The following NDUFA7 variants were observed in gnomAD, a reference collection of about 807,000 sequenced individuals.
The protein encoded by NDUFA7 is NADH dehydrogenase [ubiquinone] 1 alpha subcomplex subunit 7.
Under a neutral mutation model 14.2 loss-of-function variants are expected in NDUFA7, and 18 were observed. The observed-to-expected ratio is 1.27, with a 90% confidence interval of 0.88 to 1.88. NDUFA7 has a LOEUF of 1.88. Among genes scored for constraint, NDUFA7 ranks in the 40% most tolerant of loss-of-function variants. The pLI is 0.00. For missense variants in NDUFA7, 172 were observed against 147.3 expected (o/e 1.17, Z -0.87); for synonymous variants, 75 against 62.1 (o/e 1.21, Z -0.98).
rs1233482425 is a variant in NDUFA7 at position 8,311,412 on chromosome 19, C to G, written c.*93G>C. 3.1e-6 allele frequency: 3 copies of G among 965,394 alleles called. No homozygotes were observed. In the East Asian group the frequency reaches 7.9e-5, roughly 25 times the overall value. The allele number at this position is 965,394 out of a possible 1,614,324, so 59.8% of individuals were successfully genotyped here. A position where few individuals can be genotyped will look rare whatever the true frequency, so the allele number is the denominator to read the frequency against. On this transcript the variant is annotated 3_prime_UTR_variant, in exon 4 of 4. Coordinates refer to ENST00000301457, the MANE Select transcript of NDUFA7 (RefSeq NM_005001.5). ...TTTAAAGTAAAACTAGAAGTGATAC[C>G]TGAGCTCTACGTATTTGTCATAAAT...
In NDUFA7 at chr19:8,316,593, T is replaced by A; in HGVS notation, c.154A>T (p.Asn52Tyr). Residue 52 changes from asparagine to tyrosine, a missense_variant, in exon 3 of 4, where the codon AAT becomes TAT. Asn to Tyr is a moderately radical substitution (Grantham distance 143). Transcript: ENST00000301457. ...CGGCCATCGCGAGTGCAATAGTAATTGTTGGAGAGCTTGTGGCTAGGACCC... is the reference window on the plus strand; with the variant it reads ...CGGCCATCGCGAGTGCAATAGTAATAGTTGGAGAGCTTGTGGCTAGGACCC... The part of the protein sequence containing the change: ...PVGPSHKLSN[N>Y]YYCTRDGRRE... 6.2e-7 allele frequency: 1 copy of A among 1,614,000 alleles called. No homozygotes were observed. Among genetic ancestry groups the A allele is most frequent in the East Asian group, 2.2e-5 (1 of 44,868 alleles).
Position 8,321,347 on chromosome 19 carries a change from G to A in NDUFA7, c.12C>T (p.Ala4=), listed in dbSNP as rs372211021. The change falls in exon 1 of 4, where the codon GCC becomes GCT. Residue 4 remains alanine, a synonymous_variant. Coordinates refer to ENST00000301457, the MANE Select transcript of NDUFA7 (RefSeq NM_005001.5). MAS[A]TRLIQRLRNW... ...TCCGCAGCCGCTGGATGAGACGGGT[G>A]GCGGACGCCATCTTCCGTCCGCGAT... 2.8e-5 allele frequency: 44 copies of A among 1,577,396 alleles called. No homozygotes were observed. The Middle Eastern group carries it at 8.1e-4, about 29-fold the overall frequency.
At chr19:8,319,218 C>T (rs1970271753) in intron 2 of NDUFA7, 1 of 151,976 alleles carries the variant, frequency 6.6e-6, no homozygotes, top group African/African-American at 2.4e-5. Context: ...TACCATGGCA[C>T]GTTTACCTTT....
At chr19:8,320,032 G>C (rs537532697) in intron 2 of NDUFA7, among the ~76,000 whole-genome samples, 1 of 152,112 alleles carries the variant, frequency 6.6e-6, no homozygotes, top group African/African-American at 2.4e-5. Flanking sequence ...TTCTAGTAGA[G>C]AGGGGGTTTT....
At position 8,316,577 on chromosome 19, in the gene NDUFA7, CGA is replaced by C; in HGVS notation, c.168_169del (p.Asp58TrpfsTer33). Reference sequence around the variant, plus strand: ...GGGCACAGATTCCCGGCGGCCATCGCGAGTGCAATAGTAATTGTTGGAGAGCT... The same window carrying C: ...GGGCACAGATTCCCGGCGGCCATCGCGTGCAATAGTAATTGTTGGAGAGCT... On this transcript the variant is annotated frameshift_variant, in exon 3 of 4. Transcript: ENST00000301457. LOFTEE classifies it high-confidence loss of function. 6.2e-7 allele frequency: 1 copy of C among 1,614,090 alleles called. No individual in the cohort carries two copies.
At chr19:8,318,714 C>T (rs184869587) in intron 2 of NDUFA7, among the ~76,000 whole-genome samples, 1 of 143,862 alleles carries the variant, frequency 7.0e-6, no homozygotes, top group Admixed American at 7.0e-5. Context: ...TGGCTCACAC[C>T]TGTAATCCCA....
At chr19:8,313,649 G>A (rs895311068) in intron 3 of NDUFA7, among the ~76,000 whole-genome samples, 2 of 152,242 alleles carry the variant, frequency 1.3e-5, no homozygotes, top group African/African-American at 4.8e-5. Flanking sequence ...CAAGAAGGCT[G>A]AGGGACTGCC....
intron 2 of NDUFA7, 170 bp from the exon 3 acceptor site, chr19:8,316,815 G>T: frequency 1.4e-6 from 1 of 723,156 alleles, no homozygotes; most frequent in Non-Finnish European, 2.2e-6. Context: ...TGCCTGGGGA[G>T]GGGTCCTGGG....
At chr19:8,309,767 A>G (rs1970152835), downstream of NDUFA7, among the ~76,000 whole-genome samples, 1 of 152,068 alleles carries the variant, frequency 6.6e-6, no homozygotes, top group Admixed American at 6.6e-5. Context: ...TCCACAGCTG[A>G]TCTTTTTTAG....
downstream of NDUFA7, among the ~76,000 whole-genome samples, chr19:8,309,368 G>C (rs1341220281): frequency 1.3e-5 from 2 of 152,056 alleles, no homozygotes; most frequent in African/African-American, 4.8e-5. Context: ...CAGCTACTAG[G>C]GAGGCTGAGA....
At chr19:8,314,686 G>A (rs1343147272) in intron 3 of NDUFA7, among the ~76,000 whole-genome samples, 2 of 152,122 alleles carry the variant, frequency 1.3e-5, no homozygotes, top group African/African-American at 4.8e-5. Context: ...GGCCAACGCG[G>A]GCAGATCATG....
intron 3 of NDUFA7, among the ~76,000 whole-genome samples, chr19:8,315,722 T>C (rs1430174072): frequency 1.3e-5 from 2 of 152,150 alleles, no homozygotes; most frequent in African/African-American, 4.8e-5. Flanking sequence ...GATTTCTTTC[T>C]CTATACTTTG....
At chr19:8,310,756 G>A (rs1970167374), downstream of NDUFA7, 1 of 152,242 alleles carries the variant, frequency 6.6e-6, no homozygotes, top group African/African-American at 2.4e-5. Context: ...TCAGGGGCCA[G>A]GCGTGGTGGC....
rs1254269357 is a variant in NDUFA7 at position 8,321,306 on chromosome 19, A to AC, written c.51+1dup. 2 of 1,569,150 alleles carry AC rather than the reference A, an allele frequency of 1.3e-6. No individual in the cohort carries two copies. The highest frequency in any genetic ancestry group is 1.7e-6 in the Non-Finnish European group (2 of 1,160,748). On this transcript the variant is annotated splice_donor_variant, in intron 1 of 3. Transcript: ENST00000301457. LOFTEE classifies it high-confidence loss of function. ...TGGTGCAGCCCTGTCCGCCCCGCGCACCCCGGACGCCCAGTTCCGCAGCCG... is the reference window on the plus strand; with the variant it reads ...TGGTGCAGCCCTGTCCGCCCCGCGCACCCCCGGACGCCCAGTTCCGCAGCCG...
At chr19:8,312,191 G>A (rs1970186462) in intron 3 of NDUFA7, among the ~76,000 whole-genome samples, 2 of 152,230 alleles carry the variant, frequency 1.3e-5, no homozygotes, top group Admixed American at 6.5e-5. Context: ...GGCAAGTCCA[G>A]GACGAGCACC....
At chr19:8,310,588 C>G (rs1233839379), downstream of NDUFA7, 1 of 152,298 alleles carries the variant, frequency 6.6e-6, no homozygotes, top group Non-Finnish European at 1.5e-5. Context: ...CCACCACTCT[C>G]AAGGTCAGAG....
In NDUFA7 at chr19:8,311,468, G is replaced by T. The variant is rs1374923129; in HGVS notation, c.*37C>A. ...CACATTCTCCCTGGAGGAAATCCAA[G>T]GAGGCAAAGTAGTCGGGTGGCCGTG... On this transcript the variant is annotated 3_prime_UTR_variant, in exon 4 of 4. Transcript: ENST00000301457. 12 of 1,522,734 alleles carry T rather than the reference G, an allele frequency of 7.9e-6. No individual in the cohort carries two copies. Among genetic ancestry groups the T allele is most frequent in the African/African-American group, 1.4e-5 (1 of 72,326 alleles). The allele number at this position is 1,522,734 out of a possible 1,614,324, so 94.3% of individuals were successfully genotyped here.
chr19:8,317,211 G>A (rs114158839), intron 2 of NDUFA7, among the ~76,000 whole-genome samples: 2,353 of 152,222 alleles, frequency 0.015, 58 homozygotes, highest in African/African-American at 0.055. Flanking sequence ...AACAGAGCTC[G>A]GTCTTGGCTT....
At chr19:8,318,339 G>A (rs191620813) in intron 2 of NDUFA7, among the ~76,000 whole-genome samples, 1 of 151,870 alleles carries the variant, frequency 6.6e-6, no homozygotes, top group African/African-American at 2.4e-5. Context: ...TAGTAGAGAT[G>A]GGTTTTCACT....
Sources: allele counts gnomAD v4.1 joint callset (sites outside exome capture counted in the v4.1 genomes callset), GRCh38; gene constraint gnomAD v4.1.1; transcripts MANE v1.5; gene names NCBI Gene and HGNC (gene_info 2026-07-23, HGNC 2026-07-21).